ALK: variants seen among roughly 807,000 people sequenced by gnomAD.
ALK encodes ALK tyrosine kinase receptor.
In ALK, 74 loss-of-function variants were observed where a neutral mutation model predicts 163.1. The observed-to-expected ratio is 0.45, with a 90% confidence interval of 0.38 to 0.55. ALK has a LOEUF of 0.55. ALK is among the 20% of genes least tolerant of loss of function. ALK has a pLI of 0.00. For synonymous variants in ALK, 960 were observed against 843.2 expected (o/e 1.14, Z -2.40); for missense variants, 2,063 against 2,105.3 (o/e 0.98, Z 0.39).
intron 1 of ALK, among the ~76,000 whole-genome samples, chr2:29,761,958 A>T (rs1161090989): frequency 6.6e-6 from 1 of 152,264 alleles, no homozygotes; most frequent in Non-Finnish European, 1.5e-5. Context: ...GGCCCATTCT[A>T]GGTTAAATTC....
At chr2:29,553,628 G>C (rs943818785) in intron 3 of ALK, among the ~76,000 whole-genome samples, 2 of 152,174 alleles carry the variant, frequency 1.3e-5, no homozygotes, top group Non-Finnish European at 2.9e-5. Flanking sequence ...CTAGCGCATA[G>C]AAAAAGCTCA....
chr2:29,507,049 G>C (rs1005101829), intron 4 of ALK, among the ~76,000 whole-genome samples: 1 of 152,208 alleles, frequency 6.6e-6, no homozygotes, highest in Admixed American at 6.5e-5. Flanking sequence ...AGGGAAAGCA[G>C]GGTCTTGAAG....
At chr2:29,546,370 A>G (rs1281098034) in intron 3 of ALK, among the ~76,000 whole-genome samples, 1 of 152,266 alleles carries the variant, frequency 6.6e-6, no homozygotes, top group Non-Finnish European at 1.5e-5. Context: ...AAGTGCTGAG[A>G]AATCCTTTTT....
At chr2:29,369,079 T>C (rs7590194) in intron 5 of ALK, among the ~76,000 whole-genome samples, 13,393 of 152,284 alleles carry the variant, frequency 0.088, 625 homozygotes, top group Non-Finnish European at 0.11. Flanking sequence ...ATGCAGAGAC[T>C]GCAATCTTAG....
intron 6 of ALK, among the ~76,000 whole-genome samples, chr2:29,326,177 C>T (rs1478979112): frequency 6.6e-6 from 1 of 152,112 alleles, no homozygotes; most frequent in African/African-American, 2.4e-5. Flanking sequence ...GGTTCTTGCC[C>T]TCAGTGCCTG....
intron 4 of ALK, among the ~76,000 whole-genome samples, chr2:29,460,689 C>T (rs1671064317): frequency 6.6e-6 from 1 of 152,100 alleles, no homozygotes; most frequent in African/African-American, 2.4e-5. Context: ...CTGACTGCTC[C>T]ACCGACATGC....
In ALK at chr2:29,333,677, G is replaced by A. The variant is rs114696857; in HGVS notation, c.1283-5196C>T. Among the ~76,000 whole-genome samples the A allele has an allele frequency of 7.0e-3, 1,060 of 152,236 alleles. 10 individuals are homozygous for A. The highest frequency in any genetic ancestry group is 0.023 in the African/African-American group (947 of 41,520). ...GTCACCTAGGTTGGAGCGTCATGGC[G>A]CAACCTTGGCTCGTCCTAGCCTTGA... On this transcript the variant is annotated intron_variant, in intron 5 of 28. Coordinates refer to ENST00000389048, the MANE Select transcript of ALK (RefSeq NM_004304.5).
chr2:29,419,928 G>A (rs1669975036), intron 4 of ALK, among the ~76,000 whole-genome samples: 1 of 151,402 alleles, frequency 6.6e-6, no homozygotes, highest in Non-Finnish European at 1.5e-5. Context: ...GGAGGCCAAG[G>A]TAGGCAAATC....
chr2:29,712,139 T>A (rs898183116), intron 2 of ALK, among the ~76,000 whole-genome samples: 1 of 152,160 alleles, frequency 6.6e-6, no homozygotes, highest in Non-Finnish European at 1.5e-5. Flanking sequence ...TTCCATGGAT[T>A]GAGTATATTG....
intron 1 of ALK, among the ~76,000 whole-genome samples, chr2:29,869,815 T>C (rs1177878873): frequency 1.3e-5 from 2 of 152,158 alleles, no homozygotes; most frequent in Non-Finnish European, 2.9e-5. Flanking sequence ...ACAAAGATTA[T>C]AAGCAAAGAA....
At chr2:29,398,193 C>T (rs1036372003) in intron 4 of ALK, among the ~76,000 whole-genome samples, 8 of 152,140 alleles carry the variant, frequency 5.3e-5, no homozygotes, top group Non-Finnish European at 1.0e-4. Flanking sequence ...AGCGTTTCCT[C>T]CCATCTTCTC....
chr2:29,622,460 G>A (rs749280622), intron 3 of ALK, among the ~76,000 whole-genome samples: 20 of 152,120 alleles, frequency 1.3e-4, no homozygotes, highest in Admixed American at 2.6e-4. Flanking sequence ...TCACTATCAC[G>A]AGAATAGCAC....
At chr2:29,768,741 G>GTATA (rs754019687) in intron 1 of ALK, among the ~76,000 whole-genome samples, 8 of 122,244 alleles carry the variant, frequency 6.5e-5, no homozygotes, top group Admixed American at 1.8e-4. Flanking sequence ...GTGTGTGTGT[G>GTATA]TGTATATATG....
intron 1 of ALK, among the ~76,000 whole-genome samples, chr2:29,794,488 A>G (rs1350307404): frequency 6.6e-6 from 1 of 152,168 alleles, no homozygotes; most frequent in Non-Finnish European, 1.5e-5. Context: ...CAAGAGGCCT[A>G]GCTTTTGATC....
chr2:29,589,622 G>A (rs1220302128), intron 3 of ALK, among the ~76,000 whole-genome samples: 1 of 152,182 alleles, frequency 6.6e-6, no homozygotes, highest in Non-Finnish European at 1.5e-5. Context: ...ACAGCCTGCT[G>A]TCTTTAGGCT....
At chr2:29,569,525 G>A (rs1241511168) in intron 3 of ALK, among the ~76,000 whole-genome samples, 1 of 151,846 alleles carries the variant, frequency 6.6e-6, no homozygotes, top group African/African-American at 2.4e-5. Flanking sequence ...ATGACTCAAA[G>A]AACATGCCCA....
chr2:29,485,944 T>G (rs1671767256), intron 4 of ALK, among the ~76,000 whole-genome samples: 1 of 152,198 alleles, frequency 6.6e-6, no homozygotes, highest in South Asian at 2.1e-4. Flanking sequence ...GCCCTGGCCT[T>G]TCATCTTGGC....
In ALK at chr2:29,598,901, C is replaced by T. The variant is rs144211427; in HGVS notation, c.953-66785G>A. ...ATTACAAAATAAATATTACAAGGCA[C>T]CTTAAGCCATCTCTTTTGTTCCCTG... is the stretch of plus-strand genomic sequence containing the variant. On this transcript the variant is annotated intron_variant, in intron 3 of 28. Transcript: ENST00000389048. Among the ~76,000 whole-genome samples the T allele has an allele frequency of 2.1e-4, 32 of 152,060 alleles. No individual in the cohort carries two copies. In the East Asian group the frequency reaches 5.6e-3, roughly 27 times the overall value.
intron 8 of ALK, among the ~76,000 whole-genome samples, chr2:29,312,100 C>T (rs1029517012): frequency 6.6e-6 from 1 of 151,978 alleles, no homozygotes; most frequent in African/African-American, 2.4e-5. Flanking sequence ...TGCCATATTG[C>T]CAGGCTACCC....
Sources: allele counts gnomAD v4.1 joint callset (sites outside exome capture counted in the v4.1 genomes callset), GRCh38; gene constraint gnomAD v4.1.1; transcripts MANE v1.5; gene names NCBI Gene and HGNC (gene_info 2026-07-23, HGNC 2026-07-21).